The following GPR160 variants were observed in gnomAD, a reference collection of about 807,000 sequenced individuals.
The protein encoded by GPR160 is probable G protein-coupled receptor 160.
GPR160 carries 2 observed loss-of-function variants against 2.6 expected under a neutral mutation model. That is an observed-to-expected ratio of 0.77 (90% CI 0.32 to 2.44). The LOEUF (loss-of-function observed/expected upper bound fraction) is 2.44, where lower values mean the gene tolerates loss of function less well. GPR160 is among the 30% of genes most tolerant of loss of function. The pLI, the probability that GPR160 is intolerant of heterozygous loss-of-function variation, is 0.11. For synonymous variants in GPR160, 130 were observed against 132.2 expected, an observed-to-expected ratio of 0.98 and a Z score of 0.12; for missense variants, 351 against 383.6, an observed-to-expected ratio of 0.91 and a Z score of 0.71.
chr3:170,056,514 TG>T (rs1264724224), intron 2 of GPR160, among the ~76,000 whole-genome samples: 1 of 152,140 alleles, frequency 6.6e-6, no homozygotes, highest in Admixed American at 6.6e-5. Context: ...AGTTAGACGG[TG>T]GGAAGGTAAC....
intron 2 of GPR160, among the ~76,000 whole-genome samples, chr3:170,074,314 A>G (rs1012557375): frequency 6.6e-6 from 1 of 152,082 alleles, no homozygotes; most frequent in Non-Finnish European, 1.5e-5. Context: ...TATTCTTTTA[A>G]TGTTTCTAGG....
At chr3:170,054,797 CTTT>C (rs200685228) in intron 2 of GPR160, among the ~76,000 whole-genome samples, 2 of 143,246 alleles carry the variant, frequency 1.4e-5, no homozygotes, top group African/African-American at 2.5e-5. Flanking sequence ...AATTTCTTTT[CTTT>C]TTTTTTTTTT....
chr3:170,063,006 G>A (rs1712055214), intron 2 of GPR160: 3 of 213,028 alleles, frequency 1.4e-5, no homozygotes, highest in African/African-American at 7.0e-5. Flanking sequence ...AGCCGAGATC[G>A]CGCCACCGCA....
At chr3:170,072,207 TG>T (rs1487856876) in intron 2 of GPR160, among the ~76,000 whole-genome samples, 1 of 151,594 alleles carries the variant, frequency 6.6e-6, no homozygotes, top group Non-Finnish European at 1.5e-5. Flanking sequence ...CCCAAGTAGC[TG>T]GGACTACAGG....
chr3:170,081,013 C>T (rs553987323), intron 3 of GPR160, among the ~76,000 whole-genome samples: 22 of 152,098 alleles, frequency 1.4e-4, no homozygotes, highest in Non-Finnish European at 2.5e-4. Context: ...ACTTGGCTTT[C>T]CTTACTTAAT....
rs558170269 is a variant in GPR160, at chr3:170,082,955, GTTC to G, written c.-68-947_-68-945del. On this transcript the variant is annotated intron_variant, in intron 3 of 3. Transcript: ENST00000355897. ...ACATTTGTGATTGACTGGGTTTGTT[GTTC>G]TTGTCATTTTTGGGGTTTTTTTTTT... 2.7e-3 allele frequency among the ~76,000 whole-genome samples: 376 copies of G among 141,540 alleles called. 1 individual carries two copies. Among genetic ancestry groups the G allele is most frequent in the Admixed American group, 4.0e-3 (57 of 14,206 alleles). 92.9% of individuals were successfully genotyped at this position (141,540 alleles called of 152,430 possible).
At chr3:170,048,246 G>A (rs1014307567) in intron 2 of GPR160, among the ~76,000 whole-genome samples, 1 of 152,148 alleles carries the variant, frequency 6.6e-6, no homozygotes, top group African/African-American at 2.4e-5. Context: ...GTGATATAAT[G>A]GACTATGGAG....
At chr3:170,060,672 G>A (rs553331862) in intron 2 of GPR160, among the ~76,000 whole-genome samples, 3 of 152,282 alleles carry the variant, frequency 2.0e-5, no homozygotes, top group African/African-American at 4.8e-5. Flanking sequence ...TCAGGAGGCT[G>A]CGGTGGGAAG....
chr3:170,060,857 A>G (rs898150600), intron 2 of GPR160, among the ~76,000 whole-genome samples: 1 of 152,236 alleles, frequency 6.6e-6, no homozygotes, highest in East Asian at 1.9e-4. Context: ...CAGTAATGAG[A>G]CATGACATAA....
Position 170,084,482 on chromosome 3 carries a change from T to G in GPR160, c.510T>G (p.Tyr170Ter). Residue 170 changes from tyrosine (Y) to a stop codon, truncating the protein, a stop_gained, in exon 4 of 4, where the codon TAT becomes TAG. Coordinates refer to ENST00000355897, the MANE Select transcript of GPR160 (RefSeq NM_014373.3). LOFTEE classifies it low-confidence loss of function (END_TRUNC). ...AAAGCCTGAAGGCACAGAATGCTTA[T>G]TCTCGTCACTGTCCTTTCTATGTCA... ...IYQSLKAQNA[Y>*]SRHCPFYVSI... 2 of 1,613,724 alleles carry G rather than the reference T, an allele frequency of 1.2e-6. No individual in the cohort carries two copies. The highest frequency in any genetic ancestry group is 1.7e-6 in the Non-Finnish European group (2 of 1,179,652).
intron 2 of GPR160, among the ~76,000 whole-genome samples, chr3:170,066,391 G>T (rs1237809877): frequency 6.6e-6 from 1 of 151,690 alleles, no homozygotes; most frequent in Non-Finnish European, 1.5e-5. Flanking sequence ...CGCCCGCCTC[G>T]GCCTCCCAAA....
intron 2 of GPR160, among the ~76,000 whole-genome samples, chr3:170,054,218 T>C (rs1483340016): frequency 6.6e-6 from 1 of 151,934 alleles, no homozygotes; most frequent in East Asian, 1.9e-4. Context: ...AAAAGTATCA[T>C]TTAAGTGAAG....
rs190317951 is a variant in GPR160 at position 170,080,830 on chromosome 3, A to C, written c.-69+933A>C. Among the ~76,000 whole-genome samples the C allele has an allele frequency of 3.9e-3, 592 of 152,220 alleles. 2 individuals are homozygous for C. The highest frequency in any genetic ancestry group is 6.1e-3 in the Non-Finnish European group (417 of 68,008). On this transcript the variant is annotated intron_variant, in intron 3 of 3. Transcript: ENST00000355897. ...ATCCTCCCACCTCTGCCTCCCAAGT[A>C]GCTGGAACTATAGGCCCCCACCACC... is the stretch of plus-strand genomic sequence containing the variant.
chr3:170,038,616 C>T lies in GPR160; in HGVS notation c.-321-299C>T, dbSNP rs1222525913. ...AAATGGGTGTATGCAACTCTTCGCT[C>T]TTTCCTGGCGCCCAGAGGTGAATAG... On this transcript the variant is annotated intron_variant, in intron 1 of 3. Coordinates refer to ENST00000355897, the MANE Select transcript of GPR160 (RefSeq NM_014373.3). The surrounding 1 kb of genome is among the most constrained non-coding windows in gnomAD (Gnocchi z 5.3). 3 of 152,124 alleles carry T rather than the reference C, an allele frequency of 2.0e-5. No homozygotes were observed. Among genetic ancestry groups the T allele is most frequent in the Non-Finnish European group, 4.4e-5 (3 of 68,050 alleles). The allele number at this position is 152,124 out of a possible 1,614,324, so 9.4% of individuals were successfully genotyped here. A position where few individuals can be genotyped will look rare whatever the true frequency, so the allele number is the denominator to read the frequency against.
intron 2 of GPR160, among the ~76,000 whole-genome samples, chr3:170,042,149 AGCAGTGGTG>A (rs1384388539): frequency 3.3e-5 from 5 of 152,208 alleles, no homozygotes; most frequent in African/African-American, 1.2e-4. Flanking sequence ...TGTGAGGCGA[AGCAGTGGTG>A]ATAGAGGGCA....
At chr3:170,067,327 A>G (rs1712392465) in intron 2 of GPR160, among the ~76,000 whole-genome samples, 1 of 151,998 alleles carries the variant, frequency 6.6e-6, no homozygotes, top group South Asian at 2.1e-4. Context: ...AGTGATGCTG[A>G]TCCTTCTTTC....
intron 3 of GPR160, 81 bp from the exon 4 acceptor site, chr3:170,083,824 A>G (rs1713263455): frequency 9.0e-6 from 4 of 445,566 alleles, no homozygotes; most frequent in Non-Finnish European, 8.0e-6. Flanking sequence ...TGATTGAATT[A>G]GGCTTTTAAG....
intron 2 of GPR160, among the ~76,000 whole-genome samples, chr3:170,079,477 CCAAA>C (rs1177508347): frequency 1.5e-4 from 23 of 152,138 alleles, no homozygotes; most frequent in African/African-American, 5.6e-4. Context: ...GGTCCTGAAA[CCAAA>C]CACTTTGGAG....
intron 2 of GPR160, among the ~76,000 whole-genome samples, chr3:170,042,673 A>AT (rs918731271): frequency 1.4e-5 from 2 of 146,464 alleles, no homozygotes; most frequent in African/African-American, 5.1e-5. Context: ...TACAAAAAAA[A>AT]AAAATAAATA....
Sources: gnomAD v4.1 joint callset for allele counts (sites outside exome capture counted in the v4.1 genomes callset) on GRCh38, gnomAD v4.1.1 for gene constraint, Gnocchi (gnomAD v3.1) non-coding constraint, MANE v1.5 for transcripts, NCBI Gene and HGNC (gene_info 2026-07-23, HGNC 2026-07-21) for gene names.